Variants in JMJD1C observed in about 807,000 individuals in gnomAD.
The protein encoded by JMJD1C is jumonji domain containing 1C.
Under a neutral mutation model 245.3 loss-of-function variants are expected in JMJD1C, and 31 were observed. The ratio of observed to expected loss-of-function variants is 0.13; its 90% CI spans 0.09 to 0.17. The LOEUF is 0.17. Ranked by LOEUF, JMJD1C falls within the 10% of genes least tolerant of loss-of-function variation. The probability of loss-of-function intolerance (pLI) is 1.00; values close to 1 mark genes in which losing one functional copy is unlikely to be tolerated. For missense variants in JMJD1C, 2,691 were observed against 3,000.2 expected (o/e 0.90, Z 2.41); for synonymous variants, 1,057 against 1,017.4 (o/e 1.04, Z -0.74).
intron 1 of JMJD1C, among the ~76,000 whole-genome samples, chr10:63,514,813 T>C (rs965389101): frequency 1.3e-5 from 2 of 152,146 alleles, no homozygotes; most frequent in South Asian, 4.1e-4. Flanking sequence ...TAAAAAAATT[T>C]CTGGTCTGAT....
At chr10:63,330,811 A>G (rs1023080405) in intron 2 of JMJD1C, among the ~76,000 whole-genome samples, 10 of 152,312 alleles carry the variant, frequency 6.6e-5, no homozygotes, top group Admixed American at 4.6e-4. Context: ...ATTTGGCTTC[A>G]TCTTCAATGC....
intron 1 of JMJD1C, among the ~76,000 whole-genome samples, chr10:63,411,895 G>A (rs1046179966): frequency 2.7e-5 from 4 of 149,484 alleles, no homozygotes; most frequent in East Asian, 2.0e-4. Flanking sequence ...AAGCCACAGC[G>A]CCTGGCCCAA....
intron 10 of JMJD1C, among the ~76,000 whole-genome samples, chr10:63,205,260 G>C (rs1046834902): frequency 1.1e-4 from 17 of 152,158 alleles, no homozygotes; most frequent in African/African-American, 4.1e-4. Flanking sequence ...GTTAAGGACT[G>C]TTTGAATGAG....
chr10:63,198,172 G>A (rs1435551494), intron 12 of JMJD1C, among the ~76,000 whole-genome samples: 1 of 152,210 alleles, frequency 6.6e-6, no homozygotes, highest in East Asian at 1.9e-4. Flanking sequence ...AACAGTTAGG[G>A]AGTAAAGCTG....
chr10:63,347,109 C>T (rs1943893799), intron 2 of JMJD1C, among the ~76,000 whole-genome samples: 1 of 144,036 alleles, frequency 6.9e-6, no homozygotes, highest in African/African-American at 2.6e-5. Flanking sequence ...CTCACTCTGT[C>T]ACCCAGGCTG....
chr10:63,292,264 T>C (rs1281568669), intron 2 of JMJD1C, among the ~76,000 whole-genome samples: 2 of 150,210 alleles, frequency 1.3e-5, no homozygotes, highest in South Asian at 4.2e-4. Context: ...GGGCCCTAAA[T>C]TTATATTTCT....
intron 3 of JMJD1C, among the ~76,000 whole-genome samples, chr10:63,248,420 C>T: frequency 6.6e-6 from 1 of 152,064 alleles, no homozygotes; most frequent in Admixed American, 6.6e-5. Context: ...ACCCCGGAAG[C>T]CGAGGCAGGA....
At position 63,189,404 on chromosome 10, in the gene JMJD1C, T is replaced by C. The variant is rs1267636501; in HGVS notation, c.6334A>G (p.Ile2112Val). Residue 2112 changes from isoleucine to valine, a missense_variant, in exon 18 of 26, where the codon ATA becomes GTA. Physicochemically the swap from Ile to Val is conservative, Grantham distance 29 (BLOSUM62 3). Coordinates refer to ENST00000399262, the MANE Select transcript of JMJD1C (RefSeq NM_032776.3). The stretch of plus-strand genomic sequence containing the variant: ...TTGTTTTCAACAACTGAAGCAATTA[T>C]GTCATCAAGAATGTTAGGCATAGTC... Reference protein sequence around the residue: ...GRTMPNILDDIIASVVENKIP... With the variant: ...GRTMPNILDDVIASVVENKIP... 2 of 1,613,740 alleles carry C rather than the reference T, an allele frequency of 1.2e-6. No homozygotes were observed.
At chr10:63,200,407 A>G (rs1589130087) in intron 11 of JMJD1C, 69 bp downstream of exon 11, 1 of 1,188,484 alleles carries the variant, frequency 8.4e-7, no homozygotes, top group Non-Finnish European at 1.2e-6. Flanking sequence ...GACACTCAGA[A>G]TAACACTATA....
chr10:63,267,736 TAG>T (rs1461999355), intron 2 of JMJD1C, among the ~76,000 whole-genome samples: 10 of 152,292 alleles, frequency 6.6e-5, no homozygotes, highest in Non-Finnish European at 1.3e-4. Flanking sequence ...TCAATTTTAT[TAG>T]AGTGAGAGTT....
chr10:63,339,493 T>C (rs1342453865), intron 2 of JMJD1C, among the ~76,000 whole-genome samples: 1 of 152,128 alleles, frequency 6.6e-6, no homozygotes, highest in Non-Finnish European at 1.5e-5. Flanking sequence ...ATTAAGTATA[T>C]AGGTTGAGGC....
At chr10:63,477,885 A>T (rs1235911531) in intron 1 of JMJD1C, among the ~76,000 whole-genome samples, 3 of 150,704 alleles carry the variant, frequency 2.0e-5, no homozygotes, top group Non-Finnish European at 2.9e-5. Context: ...ACTCAATAAT[A>T]AAAAAAACAA....
At chr10:63,256,983 C>T (rs1032322409) in intron 3 of JMJD1C, among the ~76,000 whole-genome samples, 1 of 151,920 alleles carries the variant, frequency 6.6e-6, no homozygotes, top group Non-Finnish European at 1.5e-5. Flanking sequence ...ACCTGTAATC[C>T]GAACACGTTG....
intron 2 of JMJD1C, among the ~76,000 whole-genome samples, chr10:63,296,020 T>TTTTC (rs1468841695): frequency 8.4e-6 from 1 of 118,634 alleles, no homozygotes; most frequent in Non-Finnish European, 1.8e-5. Context: ...TATATTTTTT[T>TTTTC]TTTTTTCTTA....
At chr10:63,417,908 C>T (rs529538908) in intron 1 of JMJD1C, among the ~76,000 whole-genome samples, 45 of 152,234 alleles carry the variant, frequency 3.0e-4, no homozygotes, top group East Asian at 2.3e-3. Flanking sequence ...TATTTTTCAA[C>T]GAACTCAACT....
intron 16 of JMJD1C, among the ~76,000 whole-genome samples, chr10:63,191,628 A>G (rs1844810198): frequency 6.6e-6 from 1 of 152,216 alleles, no homozygotes; most frequent in South Asian, 2.1e-4. Flanking sequence ...GGCCTTCCTC[A>G]ATATTTAAGA....
In JMJD1C at chr10:63,200,649, A is replaced by G. The variant is rs759131369; in HGVS notation, c.5103T>C (p.Asp1701=). The change falls in exon 11 of 26, where the codon GAT becomes GAC. Residue 1701 remains aspartate (D), a synonymous_variant. Coordinates refer to ENST00000399262, the MANE Select transcript of JMJD1C (RefSeq NM_032776.3). Reference sequence around the variant, plus strand: ...GCTTCAGCTTCTTGACTTTACGCCAATCTTTCAATACTGAACGAGGAATGC... The same window carrying G: ...GCTTCAGCTTCTTGACTTTACGCCAGTCTTTCAATACTGAACGAGGAATGC... ...NTGIPRSVLK[D]WRKVKKLKQT... is the part of the protein sequence containing the mutation. 2.2e-5 allele frequency: 36 copies of G among 1,613,946 alleles called. No homozygotes were observed. The highest frequency in any genetic ancestry group is 2.7e-5 in the African/African-American group (2 of 74,924).
At chr10:63,408,806 G>A (rs910643477) in intron 1 of JMJD1C, among the ~76,000 whole-genome samples, 4 of 151,760 alleles carry the variant, frequency 2.6e-5, no homozygotes, top group Non-Finnish European at 5.9e-5. Flanking sequence ...GCAAAAGTGA[G>A]TCAAGGAAAT....
At chr10:63,490,703 C>G (rs184105652) in intron 1 of JMJD1C, among the ~76,000 whole-genome samples, 1 of 152,000 alleles carries the variant, frequency 6.6e-6, no homozygotes, top group Admixed American at 6.6e-5. Flanking sequence ...CGTGAGCCAC[C>G]GCACCCAGCC....
Sources: allele counts gnomAD v4.1 joint callset (sites outside exome capture counted in the v4.1 genomes callset), GRCh38; gene constraint gnomAD v4.1.1; transcripts MANE v1.5; gene names NCBI Gene and HGNC (gene_info 2026-07-23, HGNC 2026-07-21).